Variants in OAS3 observed in about 807,000 individuals in gnomAD.
OAS3 encodes the protein 2'-5'-oligoadenylate synthase 3.
A neutral mutation model predicts 113.0 loss-of-function variants in OAS3; 107 were observed. The observed-to-expected ratio is 0.95, with a 90% CI of 0.81 to 1.11. The LOEUF is 1.11. Ranked by LOEUF, OAS3 falls within the 50% of genes most tolerant of loss-of-function variation. The pLI is 0.00. For synonymous variants in OAS3, 552 were observed against 573.6 expected (o/e 0.96, Z 0.54); for missense variants, 1,258 against 1,389.1 (o/e 0.91, Z 1.50).
At position 112,961,195 on chromosome 12, in the gene OAS3, C is replaced by T. The variant is rs1224988415; in HGVS notation, c.1782C>T (p.Arg594=). 2 of 1,613,132 alleles carry T rather than the reference C, an allele frequency of 1.2e-6. No homozygotes were observed. Among genetic ancestry groups the T allele is most frequent in the East Asian group, 4.5e-5 (2 of 44,898 alleles). Residue 594 remains arginine, a synonymous_variant, in exon 8 of 16, where the codon CGC becomes CGT. Transcript: ENST00000228928. The part of the protein sequence containing the change: ...AELRRNFMNI[R]PVKLKNLILL... ...TGCGGAGGAACTTCATGAACATTCG[C>T]CCTGTCAAGCTGAAGAACCTGATTC...
At position 112,963,404 on chromosome 12, in the gene OAS3, C is replaced by T. The variant is rs1255489100; in HGVS notation, c.2176C>T (p.Gln726Ter). The T allele has an allele frequency of 6.4e-7, 1 of 1,552,096 alleles. No homozygotes were observed. The highest frequency in any genetic ancestry group is 1.4e-5 in the African/African-American group (1 of 73,196). ...CCAGGAAGCAGCAGCGCTGGGGATG[C>T]AGGCCTGCTTTCTGAGTAGAGACGG... ...LAQEAAALGM[Q>*]ACFLSRDGTS... is the part of the protein sequence containing the mutation. The change falls in exon 10 of 16, where the codon CAG (glutamine) becomes TAG (stop). Residue 726 changes from glutamine (Q) to a stop codon, truncating the protein, a stop_gained. Coordinates refer to ENST00000228928, the MANE Select transcript of OAS3 (RefSeq NM_006187.4). LOFTEE classifies it high-confidence loss of function. The surrounding 1 kb of genome is among the most constrained non-coding windows in gnomAD (Gnocchi z 4.6).
At chr12:112,960,345 C>T (rs1416012467) in intron 7 of OAS3, among the ~76,000 whole-genome samples, 1 of 152,066 alleles carries the variant, frequency 6.6e-6, no homozygotes, top group East Asian at 1.9e-4. Flanking sequence ...TTTTTTCCCC[C>T]ACCCAGAGCC....
intron 8 of OAS3, among the ~76,000 whole-genome samples, chr12:112,961,919 C>T (rs902400394): frequency 7.9e-5 from 12 of 152,116 alleles, no homozygotes; most frequent in African/African-American, 2.4e-4. Context: ...CCTCAGCCCC[C>T]GTAGTAGCTA....
At chr12:112,940,624 A>C in intron 1 of OAS3, among the ~76,000 whole-genome samples, 1 of 152,252 alleles carries the variant, frequency 6.6e-6, no homozygotes, top group Admixed American at 6.5e-5. Context: ...TTCTGAGCAA[A>C]GATTGCAAAT....
rs760672774 is a variant in OAS3 at position 112,946,156 on chromosome 12, A to T, written c.637-587A>T. Among the ~76,000 whole-genome samples the T allele has an allele frequency of 1.1e-4, 17 of 152,076 alleles. 1 individual carries two copies. The highest frequency in any genetic ancestry group is 2.5e-4 in the Non-Finnish European group (17 of 67,976). On this transcript the variant is annotated intron_variant, in intron 3 of 15. Coordinates refer to ENST00000228928, the MANE Select transcript of OAS3 (RefSeq NM_006187.4). The stretch of plus-strand genomic sequence containing the variant: ...GTGGAGATGCTGGGTGCTTCTAGCC[A>T]GGGGGGTCACTTTCTGGCATGCTGA...
intron 3 of OAS3, chr12:112,945,335 A>G (rs2043718758): frequency 7.2e-6 from 1 of 138,556 alleles, no homozygotes; most frequent in South Asian, 2.2e-4. Context: ...AAAAAAAAAA[A>G]AAGAGGTCTT....
intron 14 of OAS3, chr12:112,969,372 A>C: frequency 1.8e-6 from 1 of 563,800 alleles, no homozygotes; most frequent in Admixed American, 3.0e-5. Flanking sequence ...GGAAGGGGTA[A>C]GCGGTAGCAC....
rs533777472 is a variant in OAS3 at position 112,958,999 on chromosome 12, C to A, written c.1658-2072C>A. Among the ~76,000 whole-genome samples the A allele has an allele frequency of 1.1e-3, 170 of 152,340 alleles. 2 individuals carry two copies. Among genetic ancestry groups the A allele is most frequent in the Non-Finnish European group, 7.3e-5 (5 of 68,034 alleles). ...GAGCTGCAGTGGGCTCCACCCAGTTCGAGCTTCCCAGCCACTTTGTTTACC... is the reference window on the plus strand; with the variant it reads ...GAGCTGCAGTGGGCTCCACCCAGTTAGAGCTTCCCAGCCACTTTGTTTACC... On this transcript the variant is annotated intron_variant, in intron 7 of 15. Transcript: ENST00000228928.
chr12:112,947,526 G>A (rs2043744468), intron 4 of OAS3, among the ~76,000 whole-genome samples: 1 of 152,176 alleles, frequency 6.6e-6, no homozygotes, highest in South Asian at 2.1e-4. Flanking sequence ...ATTCCATTGT[G>A]TGAATTTATC....
intron 2 of OAS3, chr12:112,942,053 TG>T: frequency 1.5e-6 from 1 of 651,674 alleles, no homozygotes; most frequent in Non-Finnish European, 2.6e-6. Context: ...CCTGGATCTG[TG>T]GTCCTGCTGT....
At chr12:112,948,187 G>A (rs548180111) in intron 5 of OAS3, 88 bp downstream of exon 5, 5 of 1,309,262 alleles carry the variant, frequency 3.8e-6, no homozygotes, top group South Asian at 3.8e-5. Flanking sequence ...GCCATATGGT[G>A]TGGAACAGGC....
rs116951660 is a variant in OAS3 at position 112,941,704 on chromosome 12, G to A, written c.312G>A (p.Ser104=). Residue 104 remains serine (S), a synonymous_variant, in exon 2 of 16, where the codon TCG becomes TCA. Coordinates refer to ENST00000228928, the MANE Select transcript of OAS3 (RefSeq NM_006187.4). ...AGATCCTCAGTGAGATGCGGGCATCGCTGGAATCCTGGTGGCAGAACCCAG... is the reference window on the plus strand; with the variant it reads ...AGATCCTCAGTGAGATGCGGGCATCACTGGAATCCTGGTGGCAGAACCCAG... ...RAEILSEMRA[S]LESWWQNPVP... is the part of the protein sequence containing the mutation. The A allele has an allele frequency of 8.7e-3, 14,063 of 1,614,046 alleles. 82 individuals carry two copies. Among genetic ancestry groups the A allele is most frequent in the Non-Finnish European group, 0.011 (12,520 of 1,179,892 alleles).
At chr12:112,940,276 T>A (rs4238033) in intron 1 of OAS3, among the ~76,000 whole-genome samples, 113,270 of 152,094 alleles carry the variant, frequency 0.74, 43,461 homozygotes, top group African/African-American at 0.94. Flanking sequence ...TGGGAGCTGG[T>A]AGTAAAAGGA....
Position 112,963,849 on chromosome 12 carries a change from A to G in OAS3, c.2230-386A>G, listed in dbSNP as rs1483285190. ...CACTGCCCCAATTAATCATATGCAC[A>G]AGAATTCCTGCCATGGACCCTGCTT... On this transcript the variant is annotated intron_variant, in intron 10 of 15. Transcript: ENST00000228928. This position sits in a 1 kb window ranked among gnomAD's most constrained non-coding sequence, Gnocchi z 4.6. Among the ~76,000 whole-genome samples, 1 of 152,168 alleles carries G rather than the reference A, an allele frequency of 6.6e-6. No homozygotes were observed. The highest frequency in any genetic ancestry group is 1.5e-5 in the Non-Finnish European group (1 of 68,034).
At position 112,962,901 on chromosome 12, in the gene OAS3, A is replaced by AT; in HGVS notation, c.2083_2084insT (p.Arg695MetfsTer9). On this transcript the variant is annotated frameshift_variant and splice_region_variant, in exon 9 of 16. Coordinates refer to ENST00000228928, the MANE Select transcript of OAS3 (RefSeq NM_006187.4). LOFTEE classifies it high-confidence loss of function. ...CCTTCTTGGCCAGCTTCGAAAACCC[A>AT]GGTGAAGACCCGCTTCCCTTTGCCT... is the stretch of plus-strand genomic sequence containing the variant. 1 of 1,613,172 alleles carries AT rather than the reference A, an allele frequency of 6.2e-7. No homozygotes were observed. Among genetic ancestry groups the AT allele is most frequent in the Non-Finnish European group, 8.5e-7 (1 of 1,179,274 alleles).
Position 112,972,212 on chromosome 12 carries a change from G to A in OAS3, c.*2239G>A, listed in dbSNP as rs551823671. ...TCCAGAATTAGAGTAATTATGAGAT[G>A]GTGGGAACCAGAGCAACTCAGGTGC... On this transcript the variant is annotated 3_prime_UTR_variant, in exon 16 of 16. Coordinates refer to ENST00000228928, the MANE Select transcript of OAS3 (RefSeq NM_006187.4). The A allele has an allele frequency of 6.6e-6, 1 of 152,250 alleles. No individual in the cohort carries two copies. Among genetic ancestry groups the A allele is most frequent in the Non-Finnish European group, 1.5e-5 (1 of 68,088 alleles). The allele number at this position is 152,250 out of a possible 1,614,324, so 9.4% of individuals were successfully genotyped here.
intron 7 of OAS3, among the ~76,000 whole-genome samples, chr12:112,953,826 G>C (rs1218343475): frequency 6.6e-6 from 1 of 152,146 alleles, no homozygotes; most frequent in Non-Finnish European, 1.5e-5. Flanking sequence ...CCCACTTTTT[G>C]ATGGGGTTGT....
At chr12:112,956,591 T>G (rs893097406) in intron 7 of OAS3, among the ~76,000 whole-genome samples, 1 of 152,268 alleles carries the variant, frequency 6.6e-6, no homozygotes, top group Non-Finnish European at 1.5e-5. Flanking sequence ...CATTTAGTTA[T>G]GTACCAAGTA....
chr12:112,961,259 T>C lies in OAS3; in HGVS notation c.1833+13T>C. The C allele has an allele frequency of 2.5e-6, 4 of 1,610,824 alleles. No homozygotes were observed. Among genetic ancestry groups the C allele is most frequent in the Non-Finnish European group, 2.5e-6 (3 of 1,177,748 alleles). On this transcript the variant is annotated intron_variant, in intron 8 of 15. Transcript: ENST00000228928. ...CTGGTACCGCCAGGTGAGTTGCCCC[T>C]GGCTCCTCCCAGGAAGCCACCACTG...
Sources: gnomAD v4.1 joint callset for allele counts (sites outside exome capture counted in the v4.1 genomes callset) on GRCh38, gnomAD v4.1.1 for gene constraint, Gnocchi (gnomAD v3.1) non-coding constraint, MANE v1.5 for transcripts, NCBI Gene and HGNC (gene_info 2026-07-23, HGNC 2026-07-21) for gene names.